Variants in ADGRV1 observed in about 807,000 individuals in gnomAD.
ADGRV1 encodes the protein G-protein coupled receptor 98.
In ADGRV1, 359 loss-of-function variants were observed where a neutral mutation model predicts 596.2. That is an observed-to-expected ratio of 0.60 (90% CI 0.55 to 0.66). ADGRV1 has a LOEUF of 0.66. ADGRV1 is among the 30% of genes least tolerant of loss of function. ADGRV1 has a pLI of 0.00. For missense variants in ADGRV1, 7,274 were observed against 7,575.6 expected (o/e 0.96, Z 1.48); for synonymous variants, 2,681 against 2,679.2 (o/e 1.00, Z -0.02).
Position 90,697,160 on chromosome 5 carries a change from TTTG to T in ADGRV1, c.8155+17_8155+19del. 1.2e-6 allele frequency: 2 copies of T among 1,603,912 alleles called. No individual in the cohort carries two copies. The highest frequency in any genetic ancestry group is 1.7e-6 in the Non-Finnish European group (2 of 1,172,796). ...TAGGTCATGAAGGTGGGTTCCTTTT[TTTG>T]TTAAGCATATTCATTTTCTTTTCTA... On this transcript the variant is annotated intron_variant, in intron 34 of 89. Coordinates refer to ENST00000405460, the MANE Select transcript of ADGRV1 (RefSeq NM_032119.4).
intron 11 of ADGRV1, among the ~76,000 whole-genome samples, chr5:90,640,178 G>A (rs1445030685): frequency 6.6e-6 from 1 of 152,126 alleles, no homozygotes; most frequent in Non-Finnish European, 1.5e-5. Flanking sequence ...AAGCTCTAGG[G>A]CTCTACATTT....
intron 34 of ADGRV1, among the ~76,000 whole-genome samples, chr5:90,698,736 C>T (rs545981454): frequency 1.7e-4 from 25 of 150,892 alleles, no homozygotes; most frequent in African/African-American, 5.9e-4. Flanking sequence ...AGCAAATTAT[C>T]GGAATGGAAC....
At chr5:90,882,254 C>T (rs2150546987) in intron 83 of ADGRV1, among the ~76,000 whole-genome samples, 1 of 152,270 alleles carries the variant, frequency 6.6e-6, no homozygotes, top group African/African-American at 2.4e-5. Flanking sequence ...AAGTAGTTTT[C>T]ACAAACCTTT....
chr5:90,580,012 CAT>C (rs1389725222), intron 1 of ADGRV1, among the ~76,000 whole-genome samples: 1 of 152,114 alleles, frequency 6.6e-6, no homozygotes, highest in Non-Finnish European at 1.5e-5. Flanking sequence ...CATCTTTGCA[CAT>C]GAGATGGGTC....
chr5:90,735,547 A>G (rs1267673460), intron 50 of ADGRV1, among the ~76,000 whole-genome samples: 1 of 152,174 alleles, frequency 6.6e-6, no homozygotes, highest in Non-Finnish European at 1.5e-5. Flanking sequence ...TGAAAATAGA[A>G]AAATGATACC....
At chr5:90,866,313 A>ATGTGTGTGTG (rs768538026) in intron 83 of ADGRV1, among the ~76,000 whole-genome samples, 4 of 20,514 alleles carry the variant, frequency 1.9e-4, no homozygotes, top group African/African-American at 3.1e-4. Flanking sequence ...GTGTATGTGT[A>ATGTGTGTGTG]TATGTGTGTG....
At chr5:90,716,752 G>C (rs1750161513) in intron 43 of ADGRV1, 23 bp downstream of exon 43, 1 of 1,555,968 alleles carries the variant, frequency 6.4e-7, no homozygotes, top group Non-Finnish European at 8.8e-7. Flanking sequence ...GCTTTAATGA[G>C]AATGGAAGTT....
intron 74 of ADGRV1, 25 bp downstream of exon 74, chr5:90,811,363 A>G (rs771211165): frequency 8.5e-6 from 13 of 1,536,086 alleles, no homozygotes; most frequent in Admixed American, 4.2e-5. Context: ...TGATGGAGAT[A>G]AAAATATACT....
In ADGRV1 at chr5:90,666,797, A is replaced by G. The variant is rs535516218; in HGVS notation, c.4753-5749A>G. Among the ~76,000 whole-genome samples the G allele has an allele frequency of 1.2e-4, 18 of 151,224 alleles. No homozygotes were observed. The South Asian group carries it at 2.3e-3, about 19-fold the overall frequency. ...CGCTTCCTTCAGGAGCTCTTTTAGG[A>G]CAGGCCTGGTGGTGACAAAATCTCT... On this transcript the variant is annotated intron_variant, in intron 21 of 89. Transcript: ENST00000405460.
chr5:90,877,415 T>C (rs761086412), intron 83 of ADGRV1, among the ~76,000 whole-genome samples: 1 of 152,152 alleles, frequency 6.6e-6, no homozygotes, highest in Non-Finnish European at 1.5e-5. Context: ...TGAGAATTTT[T>C]TGGAAAGAAT....
At chr5:91,143,880 C>G (rs1260366439) in intron 87 of ADGRV1, among the ~76,000 whole-genome samples, 1 of 152,218 alleles carries the variant, frequency 6.6e-6, no homozygotes, top group Non-Finnish European at 1.5e-5. Flanking sequence ...CCCTCAGCCT[C>G]CCTCCCATGT....
intron 21 of ADGRV1, among the ~76,000 whole-genome samples, chr5:90,659,978 G>A (rs1580632254): frequency 6.6e-6 from 1 of 151,976 alleles, no homozygotes; most frequent in East Asian, 1.9e-4. Flanking sequence ...CTTGCAGTGA[G>A]CCGAGATGGT....
intron 21 of ADGRV1, among the ~76,000 whole-genome samples, chr5:90,666,351 C>T (rs976133189): frequency 6.6e-6 from 1 of 152,036 alleles, no homozygotes; most frequent in Non-Finnish European, 1.5e-5. Flanking sequence ...TTGAATTGAT[C>T]CCTTTACCAT....
chr5:90,920,956 G>C (rs1452097168), intron 83 of ADGRV1, among the ~76,000 whole-genome samples: 6 of 151,968 alleles, frequency 3.9e-5, no homozygotes, highest in Non-Finnish European at 8.8e-5. Context: ...TGCATTTTAG[G>C]TTTAAATTTT....
Position 90,848,735 on chromosome 5 carries a change from T to G in ADGRV1, c.17118T>G (p.Thr5706=). The G allele has an allele frequency of 6.3e-7, 1 of 1,591,822 alleles. No individual in the cohort carries two copies. The highest frequency in any genetic ancestry group is 8.5e-7 in the Non-Finnish European group (1 of 1,171,216). Residue 5706 remains threonine, a synonymous_variant, in exon 79 of 90, where the codon ACT becomes ACG. Coordinates refer to ENST00000405460, the MANE Select transcript of ADGRV1 (RefSeq NM_032119.4). ...CSLINPKRKD[T]RGFSHFAEVT... ...TTATTAACCCAAAGCGCAAGGACACTAGGGGATTCAGTCACTTTGCTGAAG... is the reference window on the plus strand; with the variant it reads ...TTATTAACCCAAAGCGCAAGGACACGAGGGGATTCAGTCACTTTGCTGAAG...
At position 90,960,722 on chromosome 5, in the gene ADGRV1, G is replaced by T. The variant is rs142658675; in HGVS notation, c.17857-4693G>T. On this transcript the variant is annotated intron_variant, in intron 83 of 89. Coordinates refer to ENST00000405460, the MANE Select transcript of ADGRV1 (RefSeq NM_032119.4). ...ACAGAGTTCTACCACGTTTTGAAAGGTAAACATGAGTTCAACCTGGGAAGA... is the reference window on the plus strand; with the variant it reads ...ACAGAGTTCTACCACGTTTTGAAAGTTAAACATGAGTTCAACCTGGGAAGA... Among the ~76,000 whole-genome samples the T allele has an allele frequency of 7.9e-5, 12 of 152,162 alleles. No homozygotes were observed. The East Asian group carries it at 1.9e-3, about 25-fold the overall frequency.
intron 85 of ADGRV1, among the ~76,000 whole-genome samples, chr5:91,011,758 A>G (rs7727492): frequency 0.63 from 93,724 of 147,830 alleles, 29,303 homozygotes; most frequent in Middle Eastern, 0.74. Flanking sequence ...GCCAGGGGGG[A>G]AAAAAAAAAG....
At chr5:90,788,335 C>G (rs1759704521) in intron 68 of ADGRV1, 25 bp downstream of exon 68, 5 of 1,566,570 alleles carry the variant, frequency 3.2e-6, no homozygotes, top group Non-Finnish European at 4.3e-6. Flanking sequence ...ATTTTTCTCA[C>G]AAAATGTGGA....
At chr5:90,762,021 G>A (rs1175913356) in intron 58 of ADGRV1, among the ~76,000 whole-genome samples, 1 of 152,150 alleles carries the variant, frequency 6.6e-6, no homozygotes, top group Admixed American at 6.5e-5. Flanking sequence ...GAGGTACATT[G>A]AGAAAAGACT....
Sources: gnomAD v4.1 joint callset for allele counts (sites outside exome capture counted in the v4.1 genomes callset) on GRCh38, gnomAD v4.1.1 for gene constraint, MANE v1.5 for transcripts, NCBI Gene and HGNC (gene_info 2026-07-23, HGNC 2026-07-21) for gene names.